The following GMNC variants were observed in gnomAD, a reference collection of about 807,000 sequenced individuals.
The protein encoded by GMNC is geminin coiled-coil domain containing.
GMNC carries 16 observed loss-of-function variants against 33.6 expected under a neutral mutation model. The ratio of observed to expected loss-of-function variants is 0.48; its 90% CI spans 0.32 to 0.72. The LOEUF is 0.72. Ranked by LOEUF, GMNC falls within the 30% of genes least tolerant of loss-of-function variation. The pLI is 0.03. For synonymous variants in GMNC, 156 were observed against 147.3 expected (o/e 1.06, Z -0.43); for missense variants, 393 against 388.9 (o/e 1.01, Z -0.09).
At chr3:190,852,180 T>G (rs1266914990), downstream of GMNC, among the ~76,000 whole-genome samples, 1 of 152,130 alleles carries the variant, frequency 6.6e-6, no homozygotes, top group East Asian at 1.9e-4. Flanking sequence ...AGATGTAATA[T>G]TTATCAAAAA....
chr3:190,846,040 C>T, the GMNC span, among the ~76,000 whole-genome samples: 3 of 151,998 alleles, frequency 2.0e-5, no homozygotes, highest in African/African-American at 7.3e-5. Context: ...CAAGCCTGGG[C>T]AACACGGAGA....
the GMNC span, among the ~76,000 whole-genome samples, chr3:190,847,129 C>G: frequency 6.6e-6 from 1 of 152,146 alleles, no homozygotes; most frequent in Non-Finnish European, 1.5e-5. Flanking sequence ...ACATGACTAG[C>G]TATTGGTGTC....
In GMNC at chr3:190,855,527, G is replaced by T; in HGVS notation, c.773C>A (p.Thr258Asn). The change falls in exon 5 of 5, where the codon ACT (threonine) becomes AAT (asparagine). Residue 258 changes from threonine to asparagine, a missense_variant. Transcript: ENST00000442080. ...DRTTPLHSTATHGEDFHILSQ... is the reference protein window; with the variant it reads ...DRTTPLHSTANHGEDFHILSQ... Reference sequence around the variant, plus strand: ...AAGGATGTGGAAATCTTCTCCATGAGTGGCAGTGCTGTGCAAGGGGGTTGT... The same window carrying T: ...AAGGATGTGGAAATCTTCTCCATGATTGGCAGTGCTGTGCAAGGGGGTTGT... 6.4e-7 allele frequency: 1 copy of T among 1,551,744 alleles called. No individual in the cohort carries two copies. The highest frequency in any genetic ancestry group is 8.7e-7 in the Non-Finnish European group (1 of 1,146,964).
Position 190,862,362 on chromosome 3 carries a change from A to AGAGAGAG in GMNC, c.3+250_3+251insCTCTCTC, listed in dbSNP as rs1553787646. Among the ~76,000 whole-genome samples the AGAGAGAG allele has an allele frequency of 6.8e-5, 10 of 147,662 alleles. No homozygotes were observed. The highest frequency in any genetic ancestry group is 2.0e-4 in the Admixed American group (3 of 14,922). The stretch of plus-strand genomic sequence containing the variant: ...AAGTAAGGAAAGTAGTAATAACAGA[A>AGAGAGAG]AGAGAGAGAGAGGGCGAGAGAGAGA... On this transcript the variant is annotated intron_variant, in intron 1 of 4. Transcript: ENST00000442080. This position sits in a 1 kb window ranked among gnomAD's most constrained non-coding sequence, Gnocchi z 4.5.
At chr3:190,858,578 T>C (rs1162535507) in intron 3 of GMNC, among the ~76,000 whole-genome samples, 5 of 152,322 alleles carry the variant, frequency 3.3e-5, no homozygotes, top group African/African-American at 1.2e-4. Flanking sequence ...ATGCTTATGG[T>C]TTAAAAATAC....
chr3:190,856,409 A>ATATATT (rs545880009), intron 4 of GMNC, among the ~76,000 whole-genome samples: 11,332 of 125,596 alleles, frequency 0.09, 1,341 homozygotes, highest in African/African-American at 0.2. Context: ...ATATTTATAA[A>ATATATT]TATATTAATA....
intron 3 of GMNC, chr3:190,858,147 T>C (rs1406464279): frequency 2.4e-6 from 1 of 411,878 alleles, no homozygotes; most frequent in East Asian, 3.5e-5. Context: ...ACTTTTAAAA[T>C]TGTAACCACA....
chr3:190,851,316 A>G (rs67795504), downstream of GMNC, among the ~76,000 whole-genome samples: 17,981 of 152,228 alleles, frequency 0.12, 1,766 homozygotes, highest in African/African-American at 0.27. Flanking sequence ...CTTTAAGCTC[A>G]CAGACCTTAT....
downstream of GMNC, among the ~76,000 whole-genome samples, chr3:190,850,895 A>G (rs1737623817): frequency 6.6e-6 from 1 of 152,240 alleles, no homozygotes; most frequent in Admixed American, 6.5e-5. Context: ...ATATGTTTGA[A>G]ATAACTTACA....
chr3:190,843,973 T>G, the GMNC span, among the ~76,000 whole-genome samples: 2 of 152,190 alleles, frequency 1.3e-5, no homozygotes, highest in African/African-American at 4.8e-5. Flanking sequence ...ACTACATAAC[T>G]AGGCAATTAA....
intron 1 of GMNC, 77 bp from the exon 2 acceptor site, chr3:190,860,935 G>A (rs1737850993): frequency 6.3e-6 from 6 of 956,468 alleles, no homozygotes; most frequent in South Asian, 4.1e-5. Context: ...GAAAGGGTGG[G>A]AGAAATACCG....
At chr3:190,844,391 A>G in the GMNC span, among the ~76,000 whole-genome samples, 1 of 151,762 alleles carries the variant, frequency 6.6e-6, no homozygotes, top group African/African-American at 2.4e-5. Flanking sequence ...ACATTTTAAA[A>G]TTAAATCATT....
At chr3:190,848,537 T>C (rs540183669), downstream of GMNC, among the ~76,000 whole-genome samples, 105 of 152,300 alleles carry the variant, frequency 6.9e-4, no homozygotes, top group Non-Finnish European at 1.2e-3. Context: ...TTGAAGACAA[T>C]AGGAAAACAG....
chr3:190,850,022 A>AT (rs550851213), downstream of GMNC, among the ~76,000 whole-genome samples: 2 of 152,148 alleles, frequency 1.3e-5, no homozygotes, highest in African/African-American at 2.4e-5. Context: ...CTTTATTTGA[A>AT]TTTTTTTGTT....
chr3:190,844,391 A>T, the GMNC span, among the ~76,000 whole-genome samples: 2 of 151,762 alleles, frequency 1.3e-5, no homozygotes, highest in Non-Finnish European at 2.9e-5. Flanking sequence ...ACATTTTAAA[A>T]TTAAATCATT....
chr3:190,854,426 A>T lies in GMNC; in HGVS notation c.*869T>A, dbSNP rs1181184274. On this transcript the variant is annotated 3_prime_UTR_variant, in exon 5 of 5. Coordinates refer to ENST00000442080, the MANE Select transcript of GMNC (RefSeq NM_001146686.3). ...GATCAATGAAAAAATGAATACGCGA[A>T]TGAATGAATGAATGAGACAATGGCT... is the stretch of plus-strand genomic sequence containing the variant. 2.0e-5 allele frequency: 3 copies of T among 148,034 alleles called. No homozygotes were observed. Among genetic ancestry groups the T allele is most frequent in the African/African-American group, 7.3e-5 (3 of 41,090 alleles). The allele number at this position is 148,034 out of a possible 1,614,324, so 9.2% of individuals were successfully genotyped here.
chr3:190,857,775 A>G lies in GMNC; in HGVS notation c.384+8T>C, dbSNP rs1737779008. The stretch of plus-strand genomic sequence containing the variant: ...TTCTTATAAAGTAGATACATACATC[A>G]TACATACCTTGGCCTTTTCTTCAAG... On this transcript the variant is annotated splice_region_variant and intron_variant, in intron 4 of 4. Transcript: ENST00000442080. 2 of 1,345,566 alleles carry G rather than the reference A, an allele frequency of 1.5e-6. No homozygotes were observed. The highest frequency in any genetic ancestry group is 2.5e-5 in the East Asian group (1 of 39,980). The allele number at this position is 1,345,566 out of a possible 1,614,324, so 83.4% of individuals were successfully genotyped here.
Position 190,860,711 on chromosome 3 carries a change from C to T in GMNC, c.151G>A (p.Glu51Lys), listed in dbSNP as rs954369018. ...TGTGCCTGTGGTGCTTGTTGGAGCT[C>T]TCTGTTGTCCAGGAGACCAGCAGCC... ...FWAAGLLDNRELQQAPQAQES... is the reference protein window; with the variant it reads ...FWAAGLLDNRKLQQAPQAQES... The change falls in exon 2 of 5, where the codon GAG becomes AAG. Residue 51 changes from glutamate to lysine, a missense_variant. Physicochemically the swap from Glu to Lys is moderately conservative, Grantham distance 56 (BLOSUM62 1). Coordinates refer to ENST00000442080, the MANE Select transcript of GMNC (RefSeq NM_001146686.3). 6.4e-7 allele frequency: 1 copy of T among 1,551,126 alleles called. No individual in the cohort carries two copies. Among genetic ancestry groups the T allele is most frequent in the Non-Finnish European group, 8.7e-7 (1 of 1,146,904 alleles).
the GMNC span, among the ~76,000 whole-genome samples, chr3:190,844,196 G>A: frequency 6.6e-6 from 1 of 151,898 alleles, no homozygotes; most frequent in Non-Finnish European, 1.5e-5. Flanking sequence ...CATGACTTCT[G>A]GTAATTACCT....
Sources: allele counts gnomAD v4.1 joint callset (sites outside exome capture counted in the v4.1 genomes callset), GRCh38; gene constraint gnomAD v4.1.1; non-coding constraint Gnocchi (gnomAD v3.1); transcripts MANE v1.5; gene names NCBI Gene and HGNC (gene_info 2026-07-23, HGNC 2026-07-21).